CBARP: variants seen among roughly 807,000 people sequenced by gnomAD.
The protein encoded by CBARP is CACN subunit beta associated regulatory protein.
In CBARP, 24 loss-of-function variants were observed where a neutral mutation model predicts 36.3. That is an observed-to-expected ratio of 0.66 (90% CI 0.48 to 0.93). The LOEUF is 0.93. Ranked by LOEUF, CBARP falls within the 40% of genes least tolerant of loss-of-function variation. The pLI is 0.00. For synonymous variants in CBARP, 586 were observed against 453.2 expected, an observed-to-expected ratio of 1.29 and a Z score of -3.72; for missense variants, 1,146 against 980.4, an observed-to-expected ratio of 1.17 and a Z score of -2.26.
intron 9 of CBARP, 119 bp downstream of exon 9, chr19:1,230,982 A>G: frequency 6.4e-7 from 1 of 1,554,888 alleles, no homozygotes; most frequent in Non-Finnish European, 8.7e-7. Context: ...TTGCCGCTGG[A>G]GGCAGGCGAG....
chr19:1,229,733 C>T lies in CBARP; in HGVS notation c.1564G>A (p.Ala522Thr), dbSNP rs1227519136. 1.8e-5 allele frequency: 18 copies of T among 986,088 alleles called. No individual in the cohort carries two copies. The highest frequency in any genetic ancestry group is 4.1e-5 in the South Asian group (1 of 24,362). The allele number at this position is 986,088 out of a possible 1,614,324, so 61.1% of individuals were successfully genotyped here. The change falls in exon 10 of 10, where the codon GCG (alanine) becomes ACG (threonine). Residue 522 changes from alanine to threonine, a missense_variant. Physicochemically the swap from Ala to Thr is moderately conservative, Grantham distance 58. Coordinates refer to ENST00000650044, the MANE Select transcript of CBARP (RefSeq NM_001393918.1). This position sits in a 1 kb window ranked among gnomAD's most constrained non-coding sequence, Gnocchi z 5.1. ...CGCGGGCTGCGGGGCCGGGCGGGCG[C>T]GGCAGGTGGCTCGGTGTCGTCGCCT... Reference protein sequence around the residue: ...GAGDDTEPPAAPARPRSPRAW... With the variant: ...GAGDDTEPPATPARPRSPRAW...
intron 8 of CBARP, among the ~76,000 whole-genome samples, chr19:1,232,053 C>T (rs2080901461): frequency 6.6e-6 from 1 of 152,096 alleles, no homozygotes; most frequent in Admixed American, 6.5e-5. Flanking sequence ...CCTCTCCTGC[C>T]AGCTCCACCC....
At position 1,234,351 on chromosome 19, in the gene CBARP, G is replaced by C. The variant is rs565193202; in HGVS notation, c.628-20C>G. On this transcript the variant is annotated intron_variant, in intron 6 of 9. Transcript: ENST00000650044. ...CGGGGGCTGTGGGACAGAGCCAGGTGGGGGAGGAAGCAGTGACAGGTCAAA... is the reference window on the plus strand; with the variant it reads ...CGGGGGCTGTGGGACAGAGCCAGGTCGGGGAGGAAGCAGTGACAGGTCAAA... 20 of 1,440,718 alleles carry C rather than the reference G, an allele frequency of 1.4e-5. 1 individual carries two copies. In the South Asian group the frequency reaches 2.7e-4, roughly 19 times the overall value. 89.2% of individuals were successfully genotyped at this position (1,440,718 alleles called of 1,614,324 possible).
intron 8 of CBARP, 28 bp downstream of exon 8, chr19:1,233,398 C>G: frequency 1.9e-6 from 3 of 1,544,544 alleles, no homozygotes; most frequent in East Asian, 2.4e-5. Flanking sequence ...CCACAGGGGC[C>G]CACTCTCCAC....
chr19:1,233,119 G>A lies in CBARP; in HGVS notation c.979+307C>T, dbSNP rs942667367. Among the ~76,000 whole-genome samples the A allele has an allele frequency of 3.9e-5, 6 of 152,186 alleles. No individual in the cohort carries two copies. The East Asian group carries it at 1.2e-3, about 29-fold the overall frequency. ...GCTCCACAGTGACCAGGTGGCCCCCGACACCCTCCTTTACCACCTCATCCT... is the reference window on the plus strand; with the variant it reads ...GCTCCACAGTGACCAGGTGGCCCCCAACACCCTCCTTTACCACCTCATCCT... On this transcript the variant is annotated intron_variant, in intron 8 of 9. Transcript: ENST00000650044.
chr19:1,236,669 T>G (rs1339317093), intron 1 of CBARP, among the ~76,000 whole-genome samples: 1 of 151,650 alleles, frequency 6.6e-6, no homozygotes, highest in Non-Finnish European at 1.5e-5. Flanking sequence ...TGCTCCCGGG[T>G]CACGACTCCG....
At chr19:1,231,889 A>C (rs2080899088) in intron 8 of CBARP, among the ~76,000 whole-genome samples, 1 of 152,034 alleles carries the variant, frequency 6.6e-6, no homozygotes, top group Non-Finnish European at 1.5e-5. Context: ...TCTGGCACCG[A>C]TAGTGCCTTG....
In CBARP at chr19:1,229,112, C is replaced by G. The variant is rs565504564; in HGVS notation, c.*67G>C. On this transcript the variant is annotated 3_prime_UTR_variant, in exon 10 of 10. Coordinates refer to ENST00000650044, the MANE Select transcript of CBARP (RefSeq NM_001393918.1). The surrounding 1 kb of genome is among the most constrained non-coding windows in gnomAD (Gnocchi z 5.1). ...GTCGGGGCGTCGCGCCCCCACGTCTCTCCCGCCGCCGAGGCCCCGTGCGGC... is the reference window on the plus strand; with the variant it reads ...GTCGGGGCGTCGCGCCCCCACGTCTGTCCCGCCGCCGAGGCCCCGTGCGGC... The G allele has an allele frequency of 2.7e-4, 172 of 643,404 alleles. No homozygotes were observed. In the African/African-American group the frequency reaches 3.2e-3, roughly 12 times the overall value. 39.9% of individuals were successfully genotyped at this position (643,404 alleles called of 1,614,324 possible). A position where few individuals can be genotyped will look rare whatever the true frequency, so the allele number is the denominator to read the frequency against.
At chr19:1,235,366 G>T in intron 4 of CBARP, 135 bp downstream of exon 4, 1 of 1,133,150 alleles carries the variant, frequency 8.8e-7, no homozygotes, top group Non-Finnish European at 1.2e-6. Flanking sequence ...AAACAGAGAT[G>T]AGTCGGAATC....
rs1483688956 is a variant in CBARP, at chr19:1,229,468, C to G, written c.1829G>C (p.Arg610Pro). Residue 610 changes from arginine (R) to proline (P), a missense_variant, in exon 10 of 10, where the codon CGA becomes CCA. Physicochemically the swap from Arg to Pro is moderately radical, Grantham distance 103. Transcript: ENST00000650044. This position sits in a 1 kb window ranked among gnomAD's most constrained non-coding sequence, Gnocchi z 5.1. ...GCGCCGCAAGGGCGCACGCGCGGGT[C>G]GGGCCGCGCCGGCAGGCGGTGCCGG... is the stretch of plus-strand genomic sequence containing the variant. ...GTPAPPAGAA[R>P]PARAPLRRGD... 1.9e-5 allele frequency: 19 copies of G among 978,912 alleles called. No homozygotes were observed. The East Asian group carries it at 5.8e-4, about 30-fold the overall frequency. 60.6% of individuals were successfully genotyped at this position (978,912 alleles called of 1,614,324 possible). A position where few individuals can be genotyped will look rare whatever the true frequency, so the allele number is the denominator to read the frequency against.
chr19:1,236,890 C>T (rs1488939010), intron 1 of CBARP, among the ~76,000 whole-genome samples: 1 of 149,756 alleles, frequency 6.7e-6, no homozygotes, highest in Non-Finnish European at 1.5e-5. Context: ...GGCGCGAAGC[C>T]GCAAGATGGC....
Position 1,229,105 on chromosome 19 carries a change from C to A in CBARP, c.*74G>T. ...CATTCGCGTCGGGGCGTCGCGCCCCCACGTCTCTCCCGCCGCCGAGGCCCC... is the reference window on the plus strand; with the variant it reads ...CATTCGCGTCGGGGCGTCGCGCCCCAACGTCTCTCCCGCCGCCGAGGCCCC... On this transcript the variant is annotated 3_prime_UTR_variant, in exon 10 of 10. Coordinates refer to ENST00000650044, the MANE Select transcript of CBARP (RefSeq NM_001393918.1). This position sits in a 1 kb window ranked among gnomAD's most constrained non-coding sequence, Gnocchi z 5.1. The A allele has an allele frequency of 1.8e-6, 1 of 546,958 alleles. No homozygotes were observed. Among genetic ancestry groups the A allele is most frequent in the Non-Finnish European group, 2.4e-6 (1 of 423,808 alleles). The allele number at this position is 546,958 out of a possible 1,614,324, so 33.9% of individuals were successfully genotyped here. A position where few individuals can be genotyped will look rare whatever the true frequency, so the allele number is the denominator to read the frequency against.
chr19:1,230,565 A>G (rs900788204), intron 9 of CBARP: 1 of 1,107,262 alleles, frequency 9.0e-7, no homozygotes, highest in African/African-American at 1.6e-5. Flanking sequence ...CAGCAGGAGG[A>G]CAGTGCACAG....
Position 1,229,854 on chromosome 19 carries a change from C to T in CBARP, c.1443G>A (p.Pro481=), listed in dbSNP as rs1287123279. 1.7e-5 allele frequency: 17 copies of T among 986,460 alleles called. No homozygotes were observed. Among genetic ancestry groups the T allele is most frequent in the Non-Finnish European group, 2.0e-5 (17 of 831,702 alleles). 61.1% of individuals were successfully genotyped at this position (986,460 alleles called of 1,614,324 possible). Residue 481 remains proline (P), a synonymous_variant, in exon 10 of 10, where the codon CCG becomes CCA. Coordinates refer to ENST00000650044, the MANE Select transcript of CBARP (RefSeq NM_001393918.1). The surrounding 1 kb of genome is among the most constrained non-coding windows in gnomAD (Gnocchi z 5.1). ...SGSGGAAPAF[P]PPSPPAPRPK... ...GCCGCGGCGCGGGCGGGGAGGGCGG[C>T]GGGAAGGCGGGCGCCGCGCCCCCGG...
intron 8 of CBARP, 24 bp downstream of exon 8, chr19:1,233,400 ACT>A (rs1568737221): frequency 3.9e-6 from 6 of 1,549,142 alleles, no homozygotes. Flanking sequence ...ACAGGGGCCC[ACT>A]CTCCACCAGG....
chr19:1,232,336 C>T (rs1206799898), intron 8 of CBARP, among the ~76,000 whole-genome samples: 1 of 152,132 alleles, frequency 6.6e-6, no homozygotes, highest in African/African-American at 2.4e-5. Context: ...TCACCCCACC[C>T]CCGCTGGCTG....
intron 5 of CBARP, 93 bp from the exon 6 acceptor site, chr19:1,234,835 G>A (rs1163727187): frequency 2.0e-6 from 3 of 1,528,612 alleles, no homozygotes; most frequent in Non-Finnish European, 2.6e-6. Flanking sequence ...GGCCTGGGCA[G>A]GGGCAGGCGA....
rs765801931 is a variant in CBARP at position 1,233,596 on chromosome 19, C to T, written c.809G>A (p.Gly270Glu). The change falls in exon 8 of 10, where the codon GGG becomes GAG. Residue 270 changes from glycine (G) to glutamate (E), a missense_variant. Physicochemically the swap from Gly to Glu is moderately conservative, Grantham distance 98. Coordinates refer to ENST00000650044, the MANE Select transcript of CBARP (RefSeq NM_001393918.1). ...CGCCTCCCCAGGCCCTGCTGCAGCC[C>T]CGGGCCCTCCAGCCTTGGTGCTCCT... ...GTRSTKAGGP[G>E]AAAGPGEAGP... is the part of the protein sequence containing the mutation. 6.8e-6 allele frequency: 11 copies of T among 1,610,442 alleles called. No homozygotes were observed. Among genetic ancestry groups the T allele is most frequent in the South Asian group, 1.1e-5 (1 of 90,820 alleles).
chr19:1,230,227 G>A (rs967086250), intron 9 of CBARP, 85 bp from the exon 10 acceptor site: 1 of 994,358 alleles, frequency 1.0e-6, no homozygotes, highest in Non-Finnish European at 1.2e-6. Flanking sequence ...ATCAGGGAGG[G>A]TGGACGCGGG....
Sources: allele counts gnomAD v4.1 joint callset (sites outside exome capture counted in the v4.1 genomes callset), GRCh38; gene constraint gnomAD v4.1.1; non-coding constraint Gnocchi (gnomAD v3.1); transcripts MANE v1.5; gene names NCBI Gene and HGNC (gene_info 2026-07-23, HGNC 2026-07-21).